Variants in FAM135B observed in about 807,000 individuals in gnomAD.
FAM135B encodes the protein protein FAM135B.
Under a neutral mutation model 127.7 loss-of-function variants are expected in FAM135B, and 43 were observed. The ratio of observed to expected loss-of-function variants is 0.34; its 90% CI spans 0.26 to 0.43. The LOEUF is 0.43. FAM135B is among the 20% of genes least tolerant of loss of function. The pLI is 1.00. For missense variants in FAM135B, 1,558 were observed against 1,725.6 expected (o/e 0.90, Z 1.72); for synonymous variants, 670 against 665.1 (o/e 1.01, Z -0.11).
At chr8:138,381,142 T>C (rs535635503) in intron 1 of FAM135B, among the ~76,000 whole-genome samples, 1 of 152,236 alleles carries the variant, frequency 6.6e-6, no homozygotes, top group South Asian at 2.1e-4. Context: ...CTGATGCATA[T>C]TTAATCTGAT....
intron 3 of FAM135B, among the ~76,000 whole-genome samples, chr8:138,302,341 G>T (rs150249535): frequency 2.0e-5 from 3 of 152,162 alleles, no homozygotes; most frequent in Admixed American, 1.3e-4. Context: ...TACATCTCTG[G>T]ATGCATGCTT....
intron 13 of FAM135B, 92 bp from the exon 14 acceptor site, chr8:138,148,778 C>A: frequency 1.1e-6 from 1 of 945,898 alleles, no homozygotes; most frequent in Non-Finnish European, 1.5e-6. Context: ...GGCTGAGCAC[C>A]CACAAGCAAA....
intron 2 of FAM135B, among the ~76,000 whole-genome samples, chr8:138,367,070 G>A (rs577381892): frequency 2.6e-5 from 4 of 152,220 alleles, no homozygotes; most frequent in African/African-American, 9.6e-5. Flanking sequence ...AGTCCAAACT[G>A]CTTACTCATG....
At chr8:138,308,676 C>A (rs922632839) in intron 3 of FAM135B, among the ~76,000 whole-genome samples, 4 of 151,998 alleles carry the variant, frequency 2.6e-5, no homozygotes, top group African/African-American at 9.7e-5. Context: ...ATCTCAAGCC[C>A]TTCTCTTCCC....
intron 1 of FAM135B, among the ~76,000 whole-genome samples, chr8:138,380,712 G>T (rs541693116): frequency 2.0e-5 from 3 of 151,564 alleles, no homozygotes; most frequent in African/African-American, 4.8e-5. Context: ...TTACATCCAT[G>T]ATTTCATCTG....
intron 4 of FAM135B, among the ~76,000 whole-genome samples, chr8:138,260,542 T>C (rs1335678993): frequency 6.6e-6 from 1 of 152,148 alleles, no homozygotes; most frequent in Non-Finnish European, 1.5e-5. Context: ...CCAACTACCC[T>C]GGAGTATCAG....
chr8:138,152,072 C>A lies in FAM135B; in HGVS notation c.2403G>T (p.Met801Ile), dbSNP rs1325906714. The A allele has an allele frequency of 6.2e-7, 1 of 1,613,968 alleles. No individual in the cohort carries two copies. Among genetic ancestry groups the A allele is most frequent in the Non-Finnish European group, 8.5e-7 (1 of 1,180,034 alleles). ...QDGGFAEPSD[M>I]HSKSQGSPGS... The stretch of plus-strand genomic sequence containing the variant: ...CTGGGGAACCTTGGCTCTTGCTGTG[C>A]ATATCTGAAGGTTCAGCAAAACCTC... The change falls in exon 13 of 20, where the codon ATG becomes ATT. Residue 801 changes from methionine to isoleucine, a missense_variant. Met to Ile is a conservative substitution (Grantham distance 10). Transcript: ENST00000395297.
chr8:138,443,463 A>G (rs1564006661), intron 1 of FAM135B, among the ~76,000 whole-genome samples: 1 of 152,172 alleles, frequency 6.6e-6, no homozygotes, highest in Non-Finnish European at 1.5e-5. Context: ...GGAAACCAAA[A>G]GCAAACAAAA....
intron 1 of FAM135B, among the ~76,000 whole-genome samples, chr8:138,444,967 G>A (rs1836029480): frequency 6.6e-6 from 1 of 151,314 alleles, no homozygotes; most frequent in East Asian, 2.0e-4. Flanking sequence ...ATGATAAAGG[G>A]GATATCACCA....
intron 1 of FAM135B, among the ~76,000 whole-genome samples, chr8:138,371,684 T>C (rs1025504394): frequency 6.6e-6 from 1 of 151,908 alleles, no homozygotes; most frequent in African/African-American, 2.4e-5. Context: ...CCACGAAACA[T>C]CAGAAAAACC....
chr8:138,327,173 T>C (rs552387784), intron 2 of FAM135B, among the ~76,000 whole-genome samples: 1 of 152,290 alleles, frequency 6.6e-6, no homozygotes, highest in African/African-American at 2.4e-5. Context: ...TCTGTAAATA[T>C]CAATAATAAG....
At chr8:138,295,800 T>C (rs1163592385) in intron 3 of FAM135B, among the ~76,000 whole-genome samples, 2 of 152,222 alleles carry the variant, frequency 1.3e-5, no homozygotes, top group Admixed American at 6.5e-5. Flanking sequence ...TAAAGCAAGA[T>C]TATTCCTGCC....
chr8:138,193,875 C>A (rs2131099990), intron 9 of FAM135B, among the ~76,000 whole-genome samples: 1 of 152,348 alleles, frequency 6.6e-6, no homozygotes, highest in East Asian at 1.9e-4. Flanking sequence ...CAAGGAGAAG[C>A]TCAGAGCCTG....
intron 2 of FAM135B, among the ~76,000 whole-genome samples, chr8:138,367,645 C>T (rs1195283443): frequency 1.3e-5 from 2 of 152,030 alleles, no homozygotes; most frequent in African/African-American, 4.8e-5. Flanking sequence ...TTAGAAAGAG[C>T]CACCAAGAAG....
At position 138,243,731 on chromosome 8, in the gene FAM135B, T is replaced by C. The variant is rs1460106178; in HGVS notation, c.543-663A>G. Among the ~76,000 whole-genome samples, 1 of 152,212 alleles carries C rather than the reference T, an allele frequency of 6.6e-6. No homozygotes were observed. Among genetic ancestry groups the C allele is most frequent in the Non-Finnish European group, 1.5e-5 (1 of 68,028 alleles). ...AGATTAGGAAAAGATGTGTGATTAT[T>C]CAAATTTATCATATTTGAGTTTATG... On this transcript the variant is annotated intron_variant, in intron 6 of 19. Coordinates refer to ENST00000395297, the MANE Select transcript of FAM135B (RefSeq NM_015912.4). The surrounding 1 kb of genome is among the most constrained non-coding windows in gnomAD (Gnocchi z 7.5).
chr8:138,202,597 G>A (rs117850821), intron 7 of FAM135B, among the ~76,000 whole-genome samples: 1,873 of 152,194 alleles, frequency 0.012, 16 homozygotes, highest in Non-Finnish European at 0.019. Flanking sequence ...CCTTGGGGAG[G>A]TTTCTTCCCC....
intron 3 of FAM135B, chr8:138,309,120 C>T (rs1035214647): frequency 2.5e-6 from 1 of 396,562 alleles, no homozygotes; most frequent in Non-Finnish European, 5.0e-6. Context: ...TTTCAGGAAA[C>T]TAAAGTTCAA....
intron 4 of FAM135B, among the ~76,000 whole-genome samples, chr8:138,257,897 T>TAAAAC (rs71316331): frequency 2.0e-5 from 3 of 147,508 alleles, no homozygotes; most frequent in African/African-American, 5.1e-5. Context: ...AAAAAAAAAA[T>TAAAAC]AAAACAAAAC....
chr8:138,237,900 A>C (rs1200119264), intron 7 of FAM135B, among the ~76,000 whole-genome samples: 1 of 152,092 alleles, frequency 6.6e-6, no homozygotes. Context: ...CACATATACA[A>C]CTTATTGGTT....
Sources: allele counts gnomAD v4.1 joint callset (sites outside exome capture counted in the v4.1 genomes callset), GRCh38; gene constraint gnomAD v4.1.1; non-coding constraint Gnocchi (gnomAD v3.1); transcripts MANE v1.5; gene names NCBI Gene and HGNC (gene_info 2026-07-23, HGNC 2026-07-21).